KRABD2: variants seen among roughly 807,000 people sequenced by gnomAD.
The protein encoded by KRABD2 is KRAB domain-containing protein 2.
the KRABD2 span, chr17:8,376,078 T>C: frequency 8.1e-7 from 1 of 1,231,616 alleles, no homozygotes; most frequent in African/African-American, 1.6e-5. Flanking sequence ...TTTGCATCTT[T>C]AGTCGACCAG....
chr17:8,363,491 A>G, the KRABD2 span, among the ~76,000 whole-genome samples: 1 of 151,970 alleles, frequency 6.6e-6, no homozygotes, highest in Admixed American at 6.6e-5. Context: ...AGCTAGGATT[A>G]CAGGCACCTG....
the KRABD2 span, chr17:8,376,013 T>C: frequency 1.6e-6 from 2 of 1,231,652 alleles, no homozygotes; most frequent in Non-Finnish European, 2.0e-6. Context: ...CTTTAGCTGA[T>C]TGCCATCTCT....
At chr17:8,366,744 T>C in the KRABD2 span, among the ~76,000 whole-genome samples, 9 of 152,014 alleles carry the variant, frequency 5.9e-5, no homozygotes, top group East Asian at 1.7e-3. Context: ...TTTTCTGAGA[T>C]AGAGCCTTGC....
the KRABD2 span, among the ~76,000 whole-genome samples, chr17:8,363,825 T>TATCATA: frequency 0.044 from 3,134 of 70,608 alleles, 50 homozygotes; most frequent in South Asian, 0.07. Context: ...CATATATATA[T>TATCATA]CATACATATA....
At chr17:8,366,483 T>A in the KRABD2 span, among the ~76,000 whole-genome samples, 62 of 152,378 alleles carry the variant, frequency 4.1e-4, no homozygotes, top group African/African-American at 1.4e-3. Context: ...GATATGTTTT[T>A]AAGTGCTTGA....
At chr17:8,369,484 G>A in the KRABD2 span, 101 of 1,613,976 alleles carry the variant, frequency 6.3e-5, no homozygotes, top group South Asian at 1.0e-3. Context: ...TGGTTACTCT[G>A]CATCCAGGTA....
At chr17:8,374,263 C>T in the KRABD2 span, among the ~76,000 whole-genome samples, 7 of 152,226 alleles carry the variant, frequency 4.6e-5, no homozygotes, top group Non-Finnish European at 1.0e-4. Flanking sequence ...TAGGAGACTC[C>T]ATTTTGTTCT....
At chr17:8,372,153 C>T in the KRABD2 span, 1 of 860,414 alleles carries the variant, frequency 1.2e-6, no homozygotes, top group Non-Finnish European at 1.4e-6. This position sits in a 1 kb window ranked among gnomAD's most constrained non-coding sequence, Gnocchi z 4.1. Context: ...GGCCTGCTTC[C>T]AGGTCCGGAA....
At chr17:8,369,222 C>G in the KRABD2 span, 12 of 1,614,112 alleles carry the variant, frequency 7.4e-6, no homozygotes, top group Non-Finnish European at 1.0e-5. Context: ...CATATCAGAT[C>G]TGTCTGCTCC....
At chr17:8,373,545 C>A in the KRABD2 span, 4 of 190,450 alleles carry the variant, frequency 2.1e-5, no homozygotes, top group South Asian at 3.4e-4. Flanking sequence ...TCCCAGCTGC[C>A]TGCCTTGGCC....
the KRABD2 span, chr17:8,372,026 A>G: frequency 1.0e-6 from 1 of 985,580 alleles, no homozygotes; most frequent in South Asian, 4.7e-5. The surrounding 1 kb of genome is among the most constrained non-coding windows in gnomAD (Gnocchi z 4.1). Flanking sequence ...AGCTTAGGAA[A>G]ACAGGATCCC....
chr17:8,368,979 A>G, the KRABD2 span: 1 of 1,265,990 alleles, frequency 7.9e-7, no homozygotes. Flanking sequence ...ATAAATACAC[A>G]GACCTGAACT....
the KRABD2 span, among the ~76,000 whole-genome samples, chr17:8,373,995 G>A: frequency 6.6e-6 from 1 of 151,762 alleles, no homozygotes. Context: ...CATCCAGGAG[G>A]TGGGGGGCAG....
the KRABD2 span, chr17:8,369,586 G>C: frequency 1.2e-6 from 2 of 1,614,202 alleles, no homozygotes; most frequent in African/African-American, 1.3e-5. Flanking sequence ...TTTAGGTCTG[G>C]CCACAACTCA....
the KRABD2 span, among the ~76,000 whole-genome samples, chr17:8,367,961 A>C: frequency 6.7e-6 from 1 of 149,276 alleles, no homozygotes; most frequent in African/African-American, 2.4e-5. Flanking sequence ...TAAGAGCAAA[A>C]AAAAAAAAAA....
At chr17:8,368,980 G>A in the KRABD2 span, 2 of 1,276,858 alleles carry the variant, frequency 1.6e-6, no homozygotes, top group Non-Finnish European at 2.1e-6. Context: ...TAAATACACA[G>A]ACCTGAACTT....
At chr17:8,365,153 G>T in the KRABD2 span, among the ~76,000 whole-genome samples, 2 of 152,152 alleles carry the variant, frequency 1.3e-5, no homozygotes, top group Non-Finnish European at 2.9e-5. Flanking sequence ...GGCCAGACTG[G>T]GTCCAGGAAT....
chr17:8,365,785 G>C, the KRABD2 span: 2 of 152,288 alleles, frequency 1.3e-5, no homozygotes, highest in Non-Finnish European at 2.9e-5. Context: ...GTGATGATCA[G>C]AATGGGTCTT....
the KRABD2 span, among the ~76,000 whole-genome samples, chr17:8,363,841 A>ATG: frequency 1.3e-5 from 1 of 75,322 alleles, no homozygotes; most frequent in Non-Finnish European, 2.5e-5. Flanking sequence ...ATATATATAT[A>ATG]TATATATATA....
Sources: allele counts gnomAD v4.1 joint callset (sites outside exome capture counted in the v4.1 genomes callset), GRCh38; gene constraint gnomAD v4.1.1; non-coding constraint Gnocchi (gnomAD v3.1); transcripts MANE v1.5; gene names NCBI Gene and HGNC (gene_info 2026-07-23, HGNC 2026-07-21).